ATP11A: variants seen among roughly 807,000 people sequenced by gnomAD.
ATP11A encodes the protein phospholipid-transporting ATPase IH.
A neutral mutation model predicts 154.4 loss-of-function variants in ATP11A; 81 were observed. The observed-to-expected ratio is 0.52, with a 90% CI of 0.44 to 0.63. ATP11A has a LOEUF of 0.63. Ranked by LOEUF, ATP11A falls within the 30% of genes least tolerant of loss-of-function variation. The probability of loss-of-function intolerance (pLI) is 0.00; values close to 1 mark genes in which losing one functional copy is unlikely to be tolerated. For missense variants in ATP11A, 1,316 were observed against 1,474.3 expected, an observed-to-expected ratio of 0.89 and a Z score of 1.76; for synonymous variants, 623 against 585.9, an observed-to-expected ratio of 1.06 and a Z score of -0.91.
In ATP11A at chr13:112,854,269, C is replaced by T. The variant is rs761438703; in HGVS notation, c.1992-10C>T. On this transcript the variant is annotated splice_polypyrimidine_tract_variant and intron_variant, in intron 18 of 29. Coordinates refer to ENST00000375645, the MANE Select transcript of ATP11A (RefSeq NM_015205.3). ...TTTCTCTATGCTGTGTTTGGTTTTG[C>T]CTCCCTCAGGCTGCAGGAGAAAGCT... The T allele has an allele frequency of 1.2e-6, 2 of 1,613,338 alleles. No homozygotes were observed. Among genetic ancestry groups the T allele is most frequent in the Non-Finnish European group, 1.7e-6 (2 of 1,179,558 alleles).
intron 1 of ATP11A, among the ~76,000 whole-genome samples, chr13:112,725,512 C>T (rs1432060607): frequency 1.3e-5 from 2 of 152,222 alleles, no homozygotes; most frequent in East Asian, 1.9e-4. Flanking sequence ...TGCGTCTGCA[C>T]GCGGCTGGCT....
chr13:112,787,682 C>T (rs1339068348), intron 2 of ATP11A, among the ~76,000 whole-genome samples: 1 of 127,788 alleles, frequency 7.8e-6, no homozygotes, highest in Admixed American at 8.3e-5. Flanking sequence ...TAATTCACAC[C>T]GGGTGTCCTG....
At position 112,859,316 on chromosome 13, in the gene ATP11A, G is replaced by A. The variant is rs912161483; in HGVS notation, c.2668-77G>A. 2.5e-6 allele frequency: 3 copies of A among 1,183,478 alleles called. No homozygotes were observed. The Admixed American group carries it at 5.0e-5, about 20-fold the overall frequency. The allele number at this position is 1,183,478 out of a possible 1,614,324, so 73.3% of individuals were successfully genotyped here. On this transcript the variant is annotated intron_variant, in intron 22 of 29. Transcript: ENST00000375645. The surrounding 1 kb of genome is among the most constrained non-coding windows in gnomAD (Gnocchi z 4.3). ...GCACGTGGATCCCTCCTCCCATGTG[G>A]GGTGGGCCACGTCGGTAGGTGGCGG...
intron 26 of ATP11A, among the ~76,000 whole-genome samples, chr13:112,872,590 G>A (rs555570976): frequency 2.6e-5 from 4 of 152,358 alleles, no homozygotes; most frequent in Admixed American, 6.5e-5. Flanking sequence ...CAGCCTGGGC[G>A]ACAGAGCGAG....
intron 25 of ATP11A, among the ~76,000 whole-genome samples, chr13:112,863,411 A>G (rs573579655): frequency 2.7e-4 from 40 of 147,858 alleles, no homozygotes; most frequent in African/African-American, 9.8e-4. Context: ...CCACCTGCGC[A>G]GTAATTCAGT....
intron 27 of ATP11A, among the ~76,000 whole-genome samples, chr13:112,874,868 C>T (rs2080669466): frequency 6.6e-6 from 1 of 152,202 alleles, no homozygotes. Context: ...AGGAAGATTC[C>T]ATCCCAAACC....
chr13:112,881,736 C>A, intron 29 of ATP11A, 140 bp from the exon 30 acceptor site: 1 of 1,320,786 alleles, frequency 7.6e-7, no homozygotes, highest in Non-Finnish European at 1.0e-6. Flanking sequence ...GTAGTGAGTG[C>A]ATCCCAGAGT....
intron 1 of ATP11A, among the ~76,000 whole-genome samples, chr13:112,714,419 A>G (rs1328519075): frequency 6.6e-6 from 1 of 152,042 alleles, no homozygotes; most frequent in Non-Finnish European, 1.5e-5. Flanking sequence ...CTGGCTCGTC[A>G]GGGAGCGGTG....
At chr13:112,704,868 G>C (rs1164027811) in intron 1 of ATP11A, among the ~76,000 whole-genome samples, 1 of 152,220 alleles carries the variant, frequency 6.6e-6, no homozygotes, top group African/African-American at 2.4e-5. Context: ...ATTTTGGTGT[G>C]GTTTTCCAAG....
chr13:112,704,079 C>T (rs1034879421), intron 1 of ATP11A, among the ~76,000 whole-genome samples: 1 of 152,196 alleles, frequency 6.6e-6, no homozygotes, highest in African/African-American at 2.4e-5. Flanking sequence ...CAATGGGATA[C>T]GCTGGTCCTG....
chr13:112,825,721 T>C, intron 11 of ATP11A, 141 bp downstream of exon 11: 1 of 1,003,042 alleles, frequency 1.0e-6, no homozygotes, highest in African/African-American at 1.6e-5. Flanking sequence ...GATAGATGCA[T>C]TCACTGAAAT....
chr13:112,817,649 A>T (rs1313469856), intron 6 of ATP11A, among the ~76,000 whole-genome samples: 2 of 152,238 alleles, frequency 1.3e-5, no homozygotes, highest in Non-Finnish European at 2.9e-5. Context: ...TCAGGCTCAG[A>T]TGAGTCCCAG....
At position 112,862,476 on chromosome 13, in the gene ATP11A, G is replaced by A. The variant is rs1448081590; in HGVS notation, c.2892G>A (p.Val964=). The change falls in exon 25 of 30, where the codon GTG becomes GTA. Residue 964 remains valine, a synonymous_variant. Transcript: ENST00000375645. ...VAKNALLRWR[V]FIYWTLLGLF... is the part of the protein sequence containing the mutation. ...AGAATGCCCTGCTGCGCTGGCGCGT[G>A]TTCATCTACTGGACGCTCCTGGGAC... 145 of 1,614,150 alleles carry A rather than the reference G, an allele frequency of 9.0e-5. No individual in the cohort carries two copies. The highest frequency in any genetic ancestry group is 1.2e-4 in the Non-Finnish European group (142 of 1,180,002).
At chr13:112,775,812 C>T (rs1174212109) in intron 1 of ATP11A, among the ~76,000 whole-genome samples, 2 of 152,222 alleles carry the variant, frequency 1.3e-5, no homozygotes, top group East Asian at 1.9e-4. Flanking sequence ...CAGCCCACAC[C>T]TCCACGGCCC....
In ATP11A at chr13:112,871,345, G is replaced by A. The variant is rs1365461481; in HGVS notation, c.2992-390G>A. On this transcript the variant is annotated intron_variant, in intron 25 of 29. Transcript: ENST00000375645. ...AGAAAAAGGAGGTTTGCGTGTACCC[G>A]AGTTTGCATTATGGATATTTAAATG... Among the ~76,000 whole-genome samples, 5 of 152,216 alleles carry A rather than the reference G, an allele frequency of 3.3e-5. No individual in the cohort carries two copies. The East Asian group carries it at 5.8e-4, about 18-fold the overall frequency.
rs776951728 is a variant in ATP11A, at chr13:112,740,146, CTCTA to C, written c.40-44987_40-44984del. Among the ~76,000 whole-genome samples the C allele has an allele frequency of 9.6e-3, 1,080 of 112,498 alleles. 4 individuals carry two copies. The highest frequency in any genetic ancestry group is 0.013 in the Non-Finnish European group (699 of 54,398). 73.8% of individuals were successfully genotyped at this position (112,498 alleles called of 152,430 possible). ...GTGAATTCTCTCTCTCTCTCTCTCT[CTCTA>C]TATATATATATATATATATAGATAT... On this transcript the variant is annotated intron_variant, in intron 1 of 29. Transcript: ENST00000375645.
rs766294796 is a variant in ATP11A, at chr13:112,785,213, T to C, written c.118T>C (p.Tyr40His). Residue 40 changes from tyrosine (Y) to histidine (H), a missense_variant, in exon 2 of 30, where the codon TAC (tyrosine) becomes CAC (histidine). Tyr to His is a moderately conservative substitution (Grantham distance 83). Transcript: ENST00000375645. The surrounding 1 kb of genome is among the most constrained non-coding windows in gnomAD (Gnocchi z 4.8). ...GGAGCCACCTCCGGGCGCAGAGGCC[T>C]ACATCCCACAGAGATACCCAGACAA... ...HREPPPGAEA[Y>H]IPQRYPDNRI... 4.0e-5 allele frequency: 63 copies of C among 1,573,022 alleles called. No homozygotes were observed. Among genetic ancestry groups the C allele is most frequent in the Admixed American group, 1.3e-4 (7 of 53,034 alleles).
At chr13:112,842,174 C>A in intron 16 of ATP11A, 102 bp from the exon 17 acceptor site, 1 of 912,686 alleles carries the variant, frequency 1.1e-6, no homozygotes, top group Non-Finnish European at 1.7e-6. Context: ...GCTTTCCACA[C>A]TGCTATCCCT....
At chr13:112,757,899 T>C (rs2076878474) in intron 1 of ATP11A, among the ~76,000 whole-genome samples, 1 of 152,212 alleles carries the variant, frequency 6.6e-6, no homozygotes, top group Admixed American at 6.5e-5. Flanking sequence ...GCTTTAGGTC[T>C]GCACGCTGTG....
Sources: gnomAD v4.1 joint callset for allele counts (sites outside exome capture counted in the v4.1 genomes callset) on GRCh38, gnomAD v4.1.1 for gene constraint, Gnocchi (gnomAD v3.1) non-coding constraint, MANE v1.5 for transcripts, NCBI Gene and HGNC (gene_info 2026-07-23, HGNC 2026-07-21) for gene names.